LCOR: variants seen among roughly 807,000 people sequenced by gnomAD.
The protein encoded by LCOR is ligand dependent nuclear receptor corepressor.
A neutral mutation model predicts 64.4 loss-of-function variants in LCOR; 14 were observed. The ratio of observed to expected loss-of-function variants is 0.22; its 90% CI spans 0.14 to 0.34. The LOEUF (loss-of-function observed/expected upper bound fraction) is 0.34. Among genes scored for constraint, LCOR ranks in the 10% least tolerant of loss-of-function variants. The pLI is 1.00. For missense variants in LCOR, 1,686 were observed against 1,765.3 expected, an observed-to-expected ratio of 0.96 and a Z score of 0.80; for synonymous variants, 643 against 642.5, an observed-to-expected ratio of 1.00 and a Z score of -0.01.
intron 2 of LCOR, among the ~76,000 whole-genome samples, chr10:96,873,815 G>A (rs1846118590): frequency 6.6e-6 from 1 of 152,100 alleles, no homozygotes; most frequent in Middle Eastern, 3.2e-3. Context: ...TATTGGTAAT[G>A]CTGTAAATAA....
intron 1 of LCOR, among the ~76,000 whole-genome samples, 163 bp downstream of exon 1, chr10:96,832,562 C>T (rs1359593138): frequency 7.1e-6 from 1 of 141,666 alleles, no homozygotes; most frequent in Non-Finnish European, 1.6e-5. Context: ...TGAGCGCGCG[C>T]GACCTCCAGG....
At chr10:96,955,996 G>C in intron 7 of LCOR, 1 of 1,525,596 alleles carries the variant, frequency 6.6e-7, no homozygotes. Flanking sequence ...ATCATTGCTT[G>C]CACGTAATTT....
At chr10:96,845,499 C>T (rs1272790411) in intron 2 of LCOR, among the ~76,000 whole-genome samples, 3 of 102,330 alleles carry the variant, frequency 2.9e-5, no homozygotes, top group Non-Finnish European at 5.3e-5. Context: ...GACGGAGTCT[C>T]GCTGTCGCCC....
intron 4 of LCOR, among the ~76,000 whole-genome samples, chr10:96,942,442 C>T (rs143687146): frequency 3.7e-5 from 5 of 135,246 alleles, no homozygotes; most frequent in South Asian, 2.4e-4. Context: ...GGAAGGAGAC[C>T]GTGGAGAGAG....
At chr10:96,914,489 G>A (rs1051579551) in intron 4 of LCOR, among the ~76,000 whole-genome samples, 20 of 152,206 alleles carry the variant, frequency 1.3e-4, no homozygotes, top group Admixed American at 1.0e-3. Context: ...GAGCCACCGC[G>A]CCTGGCCTTT....
At chr10:96,957,375 A>G (rs1213686564) in intron 7 of LCOR, 1 of 984,980 alleles carries the variant, frequency 1.0e-6, no homozygotes, top group East Asian at 1.1e-4. Flanking sequence ...TTTTAAAATT[A>G]TAATAAGGGA....
chr10:96,833,684 C>A (rs1282652178), intron 2 of LCOR, among the ~76,000 whole-genome samples: 1 of 152,230 alleles, frequency 6.6e-6, no homozygotes, highest in Non-Finnish European at 1.5e-5. Context: ...CCTTCTCCCC[C>A]AGGGGAATAT....
In LCOR at chr10:96,953,863, T is replaced by A. The variant is rs141972656; in HGVS notation, c.332+1667T>A. Among the ~76,000 whole-genome samples, 668 of 152,322 alleles carry A rather than the reference T, an allele frequency of 4.4e-3. 5 individuals are homozygous for A. The highest frequency in any genetic ancestry group is 0.015 in the African/African-American group (635 of 41,570). On this transcript the variant is annotated intron_variant, in intron 7 of 7. Transcript: ENST00000421806. The stretch of plus-strand genomic sequence containing the variant: ...ATAGAGTTTTGTAGAACATAACTGG[T>A]TTATCATTTCTGCAAAGCCCTATTT...
intron 2 of LCOR, among the ~76,000 whole-genome samples, chr10:96,884,236 A>C (rs1045974785): frequency 4.6e-5 from 7 of 152,200 alleles, no homozygotes; most frequent in African/African-American, 1.7e-4. Context: ...AGCTAATGGA[A>C]TGTGAGTCCA....
At chr10:96,908,958 G>T (rs1010704652) in intron 4 of LCOR, among the ~76,000 whole-genome samples, 1 of 151,544 alleles carries the variant, frequency 6.6e-6, no homozygotes, top group Non-Finnish European at 1.5e-5. Flanking sequence ...CTTGTGATCC[G>T]CCCGCCTCGG....
At chr10:96,898,159 T>C (rs1846574054) in intron 2 of LCOR, among the ~76,000 whole-genome samples, 1 of 152,084 alleles carries the variant, frequency 6.6e-6, no homozygotes, top group Non-Finnish European at 1.5e-5. Flanking sequence ...CAAAAAAAGG[T>C]ATATAAATAG....
At chr10:96,853,741 C>T (rs970329337) in intron 2 of LCOR, among the ~76,000 whole-genome samples, 17 of 152,126 alleles carry the variant, frequency 1.1e-4, no homozygotes, top group Admixed American at 8.5e-4. Flanking sequence ...TCTCACACTG[C>T]TATGAAGAAA....
intron 2 of LCOR, among the ~76,000 whole-genome samples, chr10:96,866,653 T>C (rs983471395): frequency 1.1e-4 from 17 of 152,202 alleles, no homozygotes; most frequent in Admixed American, 9.8e-4. Flanking sequence ...CGATTTCGGC[T>C]CACTGCAACC....
chr10:96,957,098 T>TC, intron 7 of LCOR: 3 of 985,178 alleles, frequency 3.0e-6, no homozygotes, highest in Non-Finnish European at 3.6e-6. Context: ...CAATCAGAAG[T>TC]CAAGCTCATT....
intron 4 of LCOR, among the ~76,000 whole-genome samples, chr10:96,909,243 C>A (rs1846786603): frequency 6.6e-6 from 1 of 152,142 alleles, no homozygotes; most frequent in Non-Finnish European, 1.5e-5. Context: ...TTCTCATTGT[C>A]TTCTGGATTC....
intron 5 of LCOR, among the ~76,000 whole-genome samples, chr10:96,948,668 T>C (rs1188327943): frequency 1.3e-5 from 2 of 152,200 alleles, no homozygotes; most frequent in Non-Finnish European, 2.9e-5. Flanking sequence ...ATGTGACCTA[T>C]AGGTGTGTTA....
chr10:96,834,234 A>G (rs1191392242), intron 2 of LCOR, among the ~76,000 whole-genome samples: 2 of 152,250 alleles, frequency 1.3e-5, no homozygotes, highest in Admixed American at 6.5e-5. Flanking sequence ...ATCTGATACC[A>G]GTTTGGTTGT....
At chr10:96,919,344 A>C (rs2134469370) in intron 4 of LCOR, among the ~76,000 whole-genome samples, 1 of 152,174 alleles carries the variant, frequency 6.6e-6, no homozygotes, top group South Asian at 2.1e-4. Context: ...CTTTCTTATG[A>C]ACTGGTATTT....
At chr10:96,832,760 T>A (rs1845364565) in intron 1 of LCOR, among the ~76,000 whole-genome samples, 1 of 149,614 alleles carries the variant, frequency 6.7e-6, no homozygotes, top group African/African-American at 2.4e-5. Context: ...GCCGCCGGCT[T>A]ATTGTGGCGA....
Sources: allele counts gnomAD v4.1 joint callset (sites outside exome capture counted in the v4.1 genomes callset), GRCh38; gene constraint gnomAD v4.1.1; transcripts MANE v1.5; gene names NCBI Gene and HGNC (gene_info 2026-07-23, HGNC 2026-07-21).